The following TP63 variants were observed in gnomAD, a reference collection of about 807,000 sequenced individuals.
TP63 encodes the protein tumor protein 63.
A neutral mutation model predicts 82.8 loss-of-function variants in TP63; 17 were observed. The observed-to-expected ratio is 0.21, with a 90% CI of 0.14 to 0.31. The LOEUF is 0.31. TP63 is among the 10% of genes least tolerant of loss of function. The pLI is 1.00. For missense variants in TP63, 648 were observed against 895.3 expected (o/e 0.72, Z 3.52); for synonymous variants, 330 against 321.7 (o/e 1.03, Z -0.28).
chr3:189,644,962 T>C (rs1381057484), intron 1 of TP63, among the ~76,000 whole-genome samples: 1 of 152,012 alleles, frequency 6.6e-6, no homozygotes, highest in Non-Finnish European at 1.5e-5. Flanking sequence ...GACCCTACCT[T>C]TTCCCACCCA....
At chr3:189,664,823 TTTA>T (rs1211086211) in intron 1 of TP63, among the ~76,000 whole-genome samples, 8 of 152,226 alleles carry the variant, frequency 5.3e-5, no homozygotes, top group African/African-American at 1.9e-4. Flanking sequence ...TCCATAGCCT[TTTA>T]TGTGTGTAGA....
the TP63 span, among the ~76,000 whole-genome samples, chr3:189,597,102 A>G: frequency 3.3e-5 from 5 of 152,348 alleles, no homozygotes; most frequent in South Asian, 1.0e-3. Flanking sequence ...ACTCACCGCC[A>G]GGGTCCGCGG....
intron 4 of TP63, among the ~76,000 whole-genome samples, chr3:189,859,070 A>G (rs989225943): frequency 2.5e-4 from 38 of 152,190 alleles, no homozygotes; most frequent in African/African-American, 8.9e-4. Flanking sequence ...GGATGACTAT[A>G]GTTAACAGTA....
the TP63 span, among the ~76,000 whole-genome samples, chr3:189,597,591 C>A: frequency 2.0e-5 from 3 of 152,166 alleles, no homozygotes; most frequent in Admixed American, 1.3e-4. Flanking sequence ...GAAACAGATT[C>A]ATAGGTGGTT....
chr3:189,826,782 G>A (rs1158301283), intron 4 of TP63, among the ~76,000 whole-genome samples: 1 of 152,162 alleles, frequency 6.6e-6, no homozygotes, highest in Non-Finnish European at 1.5e-5. Context: ...TGGTATGCAT[G>A]TGCACACATG....
intron 4 of TP63, among the ~76,000 whole-genome samples, chr3:189,836,133 A>G (rs986959406): frequency 6.6e-6 from 1 of 152,088 alleles, no homozygotes; most frequent in Non-Finnish European, 1.5e-5. Flanking sequence ...GGTTTTGTCC[A>G]TATTCCACAT....
rs373060955 is a variant in TP63 at position 189,748,727 on chromosome 3, G to A, written c.324+9953G>A. On this transcript the variant is annotated intron_variant, in intron 3 of 13. Coordinates refer to ENST00000264731, the MANE Select transcript of TP63 (RefSeq NM_003722.5). ...ATAAAAAAGAGCCCAAATATCCAAAGCATTCTAGAGCAAAAAGAGCAAAAC... is the reference window on the plus strand; with the variant it reads ...ATAAAAAAGAGCCCAAATATCCAAAACATTCTAGAGCAAAAAGAGCAAAAC... Among the ~76,000 whole-genome samples the A allele has an allele frequency of 1.2e-4, 18 of 151,536 alleles. 1 individual carries two copies. In the South Asian group the frequency reaches 2.9e-3, roughly 25 times the overall value.
At chr3:189,867,597 A>G (rs1717889577) in intron 6 of TP63, among the ~76,000 whole-genome samples, 1 of 152,224 alleles carries the variant, frequency 6.6e-6, no homozygotes, top group Non-Finnish European at 1.5e-5. Flanking sequence ...ATCAAAGATC[A>G]CAAAATGTTA....
intron 3 of TP63, among the ~76,000 whole-genome samples, chr3:189,784,892 CA>C (rs1296453141): frequency 3.3e-5 from 5 of 152,026 alleles, no homozygotes; most frequent in African/African-American, 9.7e-5. Context: ...ACACTTAATT[CA>C]TGCAATATTA....
rs186876136 is a variant in TP63 at position 189,720,594 on chromosome 3, C to T, written c.63-17146C>T. On this transcript the variant is annotated intron_variant, in intron 1 of 13. Transcript: ENST00000264731. ...TACGAAAAATACAAAATTAGCCGGG[C>T]GTGGTGGCACATGCCTGTAATCCCA... is the stretch of plus-strand genomic sequence containing the variant. Among the ~76,000 whole-genome samples, 310 of 152,006 alleles carry T rather than the reference C, an allele frequency of 2.0e-3. 1 individual carries two copies. Among genetic ancestry groups the T allele is most frequent in the African/African-American group, 7.1e-3 (296 of 41,440 alleles).
At chr3:189,815,669 G>T (rs988187985) in intron 4 of TP63, among the ~76,000 whole-genome samples, 4 of 152,104 alleles carry the variant, frequency 2.6e-5, no homozygotes, top group African/African-American at 9.7e-5. Context: ...TACACAGGCT[G>T]CATGCCATCC....
In TP63 at chr3:189,642,319, C is replaced by T. The variant is rs1319992704; in HGVS notation, c.62+10742C>T. Among the ~76,000 whole-genome samples the T allele has an allele frequency of 3.9e-5, 6 of 152,044 alleles. No individual in the cohort carries two copies. In the East Asian group the frequency reaches 1.2e-3, roughly 29 times the overall value. Reference sequence around the variant, plus strand: ...CAAAATGAAAATGAGATATGAACAGCGAAATATGTAGTATTTATTGAATTT... The same window carrying T: ...CAAAATGAAAATGAGATATGAACAGTGAAATATGTAGTATTTATTGAATTT... On this transcript the variant is annotated intron_variant, in intron 1 of 13. Coordinates refer to ENST00000264731, the MANE Select transcript of TP63 (RefSeq NM_003722.5).
intron 1 of TP63, among the ~76,000 whole-genome samples, chr3:189,729,855 G>A (rs950843646): frequency 6.6e-6 from 1 of 152,072 alleles, no homozygotes; most frequent in Non-Finnish European, 1.5e-5. Flanking sequence ...GGCACTGTTA[G>A]GTACAATAAA....
intron 1 of TP63, among the ~76,000 whole-genome samples, chr3:189,711,452 GC>G (rs1226693152): frequency 6.6e-6 from 1 of 152,160 alleles, no homozygotes; most frequent in Non-Finnish European, 1.5e-5. Context: ...TGAGGTGAGT[GC>G]TGATGAGTGG....
chr3:189,880,515 A>C (rs1024879558), intron 10 of TP63: 6 of 1,000,762 alleles, frequency 6.0e-6, no homozygotes, highest in African/African-American at 1.7e-5. Flanking sequence ...GTTTATTGGA[A>C]CCCTTTTCTG....
chr3:189,885,859 G>A (rs1720394485), intron 10 of TP63, among the ~76,000 whole-genome samples: 1 of 152,108 alleles, frequency 6.6e-6, no homozygotes, highest in Non-Finnish European at 1.5e-5. Context: ...TTCCAAGTAG[G>A]GGCCTCTGCA....
At chr3:189,805,557 C>T (rs1026450850) in intron 3 of TP63, among the ~76,000 whole-genome samples, 4 of 152,208 alleles carry the variant, frequency 2.6e-5, no homozygotes, top group African/African-American at 9.6e-5. Flanking sequence ...TACCCTTGGC[C>T]TTATATGGCA....
In TP63 at chr3:189,866,814, C is replaced by A. The variant is rs1426948478; in HGVS notation, c.882+17C>A. 1 of 1,610,530 alleles carries A rather than the reference C, an allele frequency of 6.2e-7. No individual in the cohort carries two copies. The highest frequency in any genetic ancestry group is 8.5e-7 in the Non-Finnish European group (1 of 1,176,958). On this transcript the variant is annotated intron_variant, in intron 6 of 13. Coordinates refer to ENST00000264731, the MANE Select transcript of TP63 (RefSeq NM_003722.5). ...CCACCCCAGGTAAAAAGCAAAAAAC[C>A]AAACCAAAAAACAACACCTCTATGG...
chr3:189,840,870 A>C (rs1486274489), intron 4 of TP63, among the ~76,000 whole-genome samples: 2 of 151,756 alleles, frequency 1.3e-5, no homozygotes, highest in Non-Finnish European at 2.9e-5. Flanking sequence ...AAAAAAAAAA[A>C]AAAAAAAACA....
Sources: gnomAD v4.1 joint callset for allele counts (sites outside exome capture counted in the v4.1 genomes callset) on GRCh38, gnomAD v4.1.1 for gene constraint, MANE v1.5 for transcripts, NCBI Gene and HGNC (gene_info 2026-07-23, HGNC 2026-07-21) for gene names.